PSD3: variants seen among roughly 807,000 people sequenced by gnomAD.
PSD3 encodes the protein pleckstrin and Sec7 domain containing 3.
Under a neutral mutation model 105.5 loss-of-function variants are expected in PSD3, and 49 were observed. That is an observed-to-expected ratio of 0.46 (90% CI 0.37 to 0.59). PSD3 has a LOEUF of 0.59. PSD3 is among the 20% of genes least tolerant of loss of function. PSD3 has a pLI of 0.00. For synonymous variants in PSD3, 557 were observed against 457.8 expected, an observed-to-expected ratio of 1.22 and a Z score of -2.77; for missense variants, 1,561 against 1,263.8, an observed-to-expected ratio of 1.24 and a Z score of -3.57.
At chr8:18,819,253 G>A (rs1317730972) in intron 4 of PSD3, among the ~76,000 whole-genome samples, 1 of 152,154 alleles carries the variant, frequency 6.6e-6, no homozygotes, top group Non-Finnish European at 1.5e-5. Context: ...ACTTTGACAA[G>A]TATTTTTCAA....
chr8:18,617,346 C>G (rs988128544), intron 11 of PSD3, among the ~76,000 whole-genome samples: 14 of 152,184 alleles, frequency 9.2e-5, no homozygotes, highest in Non-Finnish European at 1.9e-4. Flanking sequence ...ACCTGACCAA[C>G]ATGGTGAAAC....
At chr8:18,615,757 AGAC>A (rs1265784115) in intron 11 of PSD3, among the ~76,000 whole-genome samples, 2 of 152,336 alleles carry the variant, frequency 1.3e-5, no homozygotes, top group East Asian at 3.9e-4. Flanking sequence ...CTGCTGAATC[AGAC>A]AAGTGGGCTT....
intron 10 of PSD3, among the ~76,000 whole-genome samples, chr8:18,645,284 T>C (rs1807948333): frequency 6.6e-6 from 1 of 152,162 alleles, no homozygotes; most frequent in South Asian, 2.1e-4. Flanking sequence ...AATACCAAAA[T>C]CCAGAAGATT....
At chr8:18,864,326 C>T (rs1021236024) in intron 4 of PSD3, among the ~76,000 whole-genome samples, 5 of 152,064 alleles carry the variant, frequency 3.3e-5, no homozygotes, top group Non-Finnish European at 5.9e-5. Context: ...TTTCCTTATT[C>T]GGAAAATTAG....
chr8:18,972,928 C>T (rs1338483533), intron 1 of PSD3, among the ~76,000 whole-genome samples: 1 of 152,208 alleles, frequency 6.6e-6, no homozygotes, highest in African/African-American at 2.4e-5. Context: ...AGGTCCTGTC[C>T]AACGAGGTTT....
At chr8:19,073,125 C>G (rs1829327693) in intron 1 of PSD3, among the ~76,000 whole-genome samples, 1 of 131,648 alleles carries the variant, frequency 7.6e-6, no homozygotes, top group African/African-American at 2.7e-5. Flanking sequence ...TTTCTTGCCT[C>G]TTAACAGAAT....
chr8:18,879,351 TA>T (rs1817966482), intron 2 of PSD3, among the ~76,000 whole-genome samples: 1 of 152,162 alleles, frequency 6.6e-6, no homozygotes. Flanking sequence ...GCTTTACTAT[TA>T]AATACTGGAG....
intron 4 of PSD3, among the ~76,000 whole-genome samples, chr8:18,845,267 G>T (rs1218693344): frequency 1.3e-5 from 2 of 152,190 alleles, no homozygotes; most frequent in African/African-American, 4.8e-5. Flanking sequence ...TGACTTTGAA[G>T]AGGATGGCGA....
At chr8:18,651,556 G>C (rs1247746164) in intron 10 of PSD3, among the ~76,000 whole-genome samples, 1 of 152,120 alleles carries the variant, frequency 6.6e-6, no homozygotes, top group African/African-American at 2.4e-5. Context: ...ACTATGATCA[G>C]CAACAGAGGA....
At chr8:18,747,760 C>T (rs906482693) in intron 9 of PSD3, among the ~76,000 whole-genome samples, 2 of 151,834 alleles carry the variant, frequency 1.3e-5, no homozygotes, top group African/African-American at 4.8e-5. Flanking sequence ...CCAATGTCTG[C>T]TCAGTATGCA....
At chr8:18,602,667 T>G (rs1162660071) in intron 11 of PSD3, among the ~76,000 whole-genome samples, 1 of 152,134 alleles carries the variant, frequency 6.6e-6, no homozygotes, top group Non-Finnish European at 1.5e-5. Context: ...ACTTCCATCT[T>G]ACGTGAGACA....
At chr8:18,554,558 T>C (rs1800956261) in intron 15 of PSD3, among the ~76,000 whole-genome samples, 1 of 152,166 alleles carries the variant, frequency 6.6e-6, no homozygotes, top group East Asian at 1.9e-4. Flanking sequence ...AGTGGAAGTG[T>C]CATTTTTTTA....
At chr8:18,574,458 G>A (rs1008103058) in intron 13 of PSD3, among the ~76,000 whole-genome samples, 1 of 152,122 alleles carries the variant, frequency 6.6e-6, no homozygotes, top group Non-Finnish European at 1.5e-5. Flanking sequence ...CCTGTGTGAT[G>A]TTAACCATCC....
Position 18,792,880 on chromosome 8 carries a change from T to C in PSD3, c.2082+6415A>G, listed in dbSNP as rs191698695. Reference sequence around the variant, plus strand: ...TGCTATAAAGACACATGCACACTTATGTTTATTGCGGCACTATTCACAATA... The same window carrying C: ...TGCTATAAAGACACATGCACACTTACGTTTATTGCGGCACTATTCACAATA... On this transcript the variant is annotated intron_variant, in intron 8 of 15. Coordinates refer to ENST00000327040, the MANE Select transcript of PSD3 (RefSeq NM_015310.4). Among the ~76,000 whole-genome samples the C allele has an allele frequency of 7.2e-5, 11 of 152,322 alleles. No homozygotes were observed. In the East Asian group the frequency reaches 9.7e-4, roughly 13 times the overall value.
chr8:19,003,698 G>A (rs2129474620), intron 1 of PSD3, among the ~76,000 whole-genome samples: 1 of 151,400 alleles, frequency 6.6e-6, no homozygotes, highest in African/African-American at 2.4e-5. Flanking sequence ...GAAAATGTCT[G>A]TGAGCCTGGC....
At chr8:18,849,377 C>G (rs1815384924) in intron 4 of PSD3, 1 of 152,216 alleles carries the variant, frequency 6.6e-6, no homozygotes. Context: ...TGGCCATGCA[C>G]TATGCATCAG....
chr8:18,909,937 C>G (rs539957680), intron 2 of PSD3, among the ~76,000 whole-genome samples: 16 of 152,256 alleles, frequency 1.1e-4, no homozygotes, highest in African/African-American at 3.9e-4. Flanking sequence ...ACTTTGGTTG[C>G]TGGAAGTTAC....
At chr8:18,788,789 T>C (rs1348198135) in intron 8 of PSD3, among the ~76,000 whole-genome samples, 1 of 152,198 alleles carries the variant, frequency 6.6e-6, no homozygotes, top group Non-Finnish European at 1.5e-5. Flanking sequence ...GGCATACTAC[T>C]GATTTGGTAA....
Position 18,531,100 on chromosome 8 carries a change from T to C in PSD3, c.*4643A>G, listed in dbSNP as rs1014482701. 1 of 152,548 alleles carries C rather than the reference T, an allele frequency of 6.6e-6. No individual in the cohort carries two copies. Among genetic ancestry groups the C allele is most frequent in the African/African-American group, 2.4e-5 (1 of 41,456 alleles). The allele number at this position is 152,548 out of a possible 1,614,324, so 9.4% of individuals were successfully genotyped here. A position where few individuals can be genotyped will look rare whatever the true frequency, so the allele number is the denominator to read the frequency against. ...ACAATGGCAGGTGACAGCATTTTCT[T>C]TGATGACTGACATACTGCCTGTAAG... is the stretch of plus-strand genomic sequence containing the variant. On this transcript the variant is annotated 3_prime_UTR_variant, in exon 16 of 16. Transcript: ENST00000327040.
Sources: allele counts gnomAD v4.1 joint callset (sites outside exome capture counted in the v4.1 genomes callset), GRCh38; gene constraint gnomAD v4.1.1; transcripts MANE v1.5; gene names NCBI Gene and HGNC (gene_info 2026-07-23, HGNC 2026-07-21).